The following KCNMB2 variants were observed in gnomAD, a reference collection of about 807,000 sequenced individuals.
KCNMB2 encodes the protein potassium calcium-activated channel subfamily M regulatory beta subunit 2.
In KCNMB2, 9 loss-of-function variants were observed where a neutral mutation model predicts 24.5. That is an observed-to-expected ratio of 0.37 (90% CI 0.22 to 0.64). The LOEUF is 0.64. KCNMB2 is among the 30% of genes least tolerant of loss of function. KCNMB2 has a pLI of 0.63. For synonymous variants in KCNMB2, 109 were observed against 104.4 expected (o/e 1.04, Z -0.27); for missense variants, 226 against 284.3 (o/e 0.79, Z 1.47).
intron 1 of KCNMB2, among the ~76,000 whole-genome samples, chr3:178,579,300 A>G (rs890193033): frequency 1.3e-5 from 2 of 152,206 alleles, no homozygotes; most frequent in African/African-American, 4.8e-5. Context: ...TGGCAAAAAT[A>G]AGTAAGTTCT....
intron 2 of KCNMB2, among the ~76,000 whole-genome samples, chr3:178,811,903 A>G (rs1278215197): frequency 6.6e-6 from 1 of 152,168 alleles, no homozygotes; most frequent in Non-Finnish European, 1.5e-5. Flanking sequence ...CATTTCTCAG[A>G]TTATTAATGA....
chr3:178,548,536 A>G (rs748290475), intron 1 of KCNMB2, among the ~76,000 whole-genome samples: 15 of 152,154 alleles, frequency 9.9e-5, no homozygotes, highest in Non-Finnish European at 1.6e-4. Context: ...AAGCATGCCT[A>G]TCATGTCTTT....
Position 178,585,292 on chromosome 3 carries a change from G to C in KCNMB2, c.-68+48581G>C, listed in dbSNP as rs375471353. On this transcript the variant is annotated intron_variant, in intron 1 of 4. Coordinates refer to ENST00000452583, the MANE Select transcript of KCNMB2 (RefSeq NM_181361.3). Reference sequence around the variant, plus strand: ...GGCTCTTTTGTCCCACATGATGCATGATGAAATTTATAAAGGTCTGTTTTA... The same window carrying C: ...GGCTCTTTTGTCCCACATGATGCATCATGAAATTTATAAAGGTCTGTTTTA... Among the ~76,000 whole-genome samples, 4 of 152,188 alleles carry C rather than the reference G, an allele frequency of 2.6e-5. No homozygotes were observed. In the South Asian group the frequency reaches 6.2e-4, roughly 24 times the overall value.
chr3:178,640,553 C>T (rs1560143964), intron 1 of KCNMB2, among the ~76,000 whole-genome samples: 1 of 152,136 alleles, frequency 6.6e-6, no homozygotes, highest in Non-Finnish European at 1.5e-5. Flanking sequence ...GGACCCAGAG[C>T]CAAACCATAT....
chr3:178,689,679 A>G (rs1721599340), intron 1 of KCNMB2, among the ~76,000 whole-genome samples: 1 of 152,150 alleles, frequency 6.6e-6, no homozygotes, highest in Non-Finnish European at 1.5e-5. Context: ...AGATGATCTG[A>G]TTTAACACCC....
chr3:178,698,563 T>C (rs1721966883), intron 1 of KCNMB2, among the ~76,000 whole-genome samples: 1 of 152,246 alleles, frequency 6.6e-6, no homozygotes, highest in Non-Finnish European at 1.5e-5. Flanking sequence ...TTCAACATAC[T>C]CCTGTAGCTC....
At chr3:178,720,568 A>C (rs1257068000) in intron 1 of KCNMB2, among the ~76,000 whole-genome samples, 1 of 125,848 alleles carries the variant, frequency 7.9e-6, no homozygotes, top group Non-Finnish European at 1.6e-5. Context: ...TGACTTCCAC[A>C]ATGGTTGAAC....
chr3:178,771,473 C>CTT lies in KCNMB2; in HGVS notation c.-67-35845_-67-35844dup, dbSNP rs66694279. On this transcript the variant is annotated intron_variant, in intron 1 of 4. Transcript: ENST00000452583. ...TGACTTTCTTTTTCTTTCTTTCTTT[C>CTT]TTTTTTTTTTTTTTTTTTTTTTTTT... 2.8e-3 allele frequency among the ~76,000 whole-genome samples: 245 copies of CTT among 87,530 alleles called. 9 individuals carry two copies. Among genetic ancestry groups the CTT allele is most frequent in the Middle Eastern group, 8.9e-3 (1 of 112 alleles). 57.4% of individuals were successfully genotyped at this position (87,530 alleles called of 152,430 possible). A position where few individuals can be genotyped will look rare whatever the true frequency, so the allele number is the denominator to read the frequency against.
chr3:178,547,553 T>C (rs1330742270), intron 1 of KCNMB2, among the ~76,000 whole-genome samples: 1 of 152,194 alleles, frequency 6.6e-6, no homozygotes, highest in Non-Finnish European at 1.5e-5. Flanking sequence ...TGTGTGTATG[T>C]GTATGTATGT....
chr3:178,798,318 TA>T (rs1226660930), intron 1 of KCNMB2, among the ~76,000 whole-genome samples: 4 of 152,160 alleles, frequency 2.6e-5, no homozygotes, highest in Non-Finnish European at 5.9e-5. Context: ...CTTCAATACC[TA>T]GTTTATTAAG....
At chr3:178,623,657 A>G (rs1718999617) in intron 1 of KCNMB2, among the ~76,000 whole-genome samples, 1 of 152,210 alleles carries the variant, frequency 6.6e-6, no homozygotes, top group African/African-American at 2.4e-5. Context: ...TAAAATAATA[A>G]TGTTTGGTAT....
intron 2 of KCNMB2, among the ~76,000 whole-genome samples, chr3:178,809,951 G>A (rs1714120276): frequency 6.6e-6 from 1 of 152,140 alleles, no homozygotes; most frequent in African/African-American, 2.4e-5. Flanking sequence ...ACAAGCAATA[G>A]AATCTGCCAT....
intron 1 of KCNMB2, among the ~76,000 whole-genome samples, chr3:178,582,906 G>T (rs1717269044): frequency 6.6e-6 from 1 of 152,116 alleles, no homozygotes; most frequent in Non-Finnish European, 1.5e-5. Flanking sequence ...ATGACCACGA[G>T]CAAATTATTT....
intron 1 of KCNMB2, among the ~76,000 whole-genome samples, chr3:178,538,913 T>C (rs1258054826): frequency 2.0e-5 from 3 of 152,234 alleles, no homozygotes; most frequent in Non-Finnish European, 4.4e-5. Flanking sequence ...GATATCTTTT[T>C]CTTTCAGCTT....
intron 1 of KCNMB2, among the ~76,000 whole-genome samples, chr3:178,661,144 C>T (rs1379708470): frequency 6.6e-6 from 1 of 151,880 alleles, no homozygotes; most frequent in Non-Finnish European, 1.5e-5. Context: ...CCTAGCCCCC[C>T]ACCCTCCGAC....
chr3:178,622,392 C>T (rs189639882), intron 1 of KCNMB2, among the ~76,000 whole-genome samples: 4 of 152,166 alleles, frequency 2.6e-5, no homozygotes, highest in Non-Finnish European at 4.4e-5. Context: ...GTTTCATGAC[C>T]ATTTTGTTTA....
At chr3:178,547,102 G>A (rs1369324761) in intron 1 of KCNMB2, among the ~76,000 whole-genome samples, 1 of 152,164 alleles carries the variant, frequency 6.6e-6, no homozygotes, top group Admixed American at 6.5e-5. Flanking sequence ...TGCCATTTTC[G>A]CTGGAGTGGG....
intron 1 of KCNMB2, among the ~76,000 whole-genome samples, chr3:178,776,294 C>T (rs1712575756): frequency 6.6e-6 from 1 of 152,176 alleles, no homozygotes; most frequent in African/African-American, 2.4e-5. Context: ...CTCCCTCCAT[C>T]ATCTTCACTC....
In KCNMB2 at chr3:178,649,967, C is replaced by A. The variant is rs143952399; in HGVS notation, c.-68+113256C>A. On this transcript the variant is annotated intron_variant, in intron 1 of 4. Transcript: ENST00000452583. Reference sequence around the variant, plus strand: ...TGATCTTAGATCTTTCCCGCTTTCTCCTGTGGGCATTTAGCGCTATAAATT... The same window carrying A: ...TGATCTTAGATCTTTCCCGCTTTCTACTGTGGGCATTTAGCGCTATAAATT... Among the ~76,000 whole-genome samples, 327 of 152,200 alleles carry A rather than the reference C, an allele frequency of 2.1e-3. 2 individuals carry two copies. Among genetic ancestry groups the A allele is most frequent in the African/African-American group, 7.3e-3 (302 of 41,524 alleles).
Sources: allele counts gnomAD v4.1 joint callset (sites outside exome capture counted in the v4.1 genomes callset), GRCh38; gene constraint gnomAD v4.1.1; transcripts MANE v1.5; gene names NCBI Gene and HGNC (gene_info 2026-07-23, HGNC 2026-07-21).